The following SLC14A1 variants were observed in gnomAD, a reference collection of about 807,000 sequenced individuals.
SLC14A1 encodes the protein solute carrier family 14 member 1 (Kidd blood group), also known as urea transporter 1.
Under a neutral mutation model 39.6 loss-of-function variants are expected in SLC14A1, and 36 were observed. That is an observed-to-expected ratio of 0.91 (90% CI 0.70 to 1.20). The LOEUF (loss-of-function observed/expected upper bound fraction) is 1.20. Among genes scored for constraint, SLC14A1 ranks in the 50% most tolerant of loss-of-function variants. SLC14A1 has a pLI of 0.00. For missense variants in SLC14A1, 469 were observed against 478.7 expected (o/e 0.98, Z 0.19); for synonymous variants, 164 against 173.6 (o/e 0.94, Z 0.43).
At chr18:45,749,409 G>T (rs2047648003) in intron 9 of SLC14A1, among the ~76,000 whole-genome samples, 1 of 152,124 alleles carries the variant, frequency 6.6e-6, no homozygotes, top group African/African-American at 2.4e-5. Context: ...AGGTCACTGT[G>T]GGCTGGACTA....
Position 45,739,237 on chromosome 18 carries a change from G to A in SLC14A1, c.738G>A (p.Leu246=), listed in dbSNP as rs2047285330. The change falls in exon 7 of 10, where the codon CTG becomes CTA. Residue 246 remains leucine, a synonymous_variant. Coordinates refer to ENST00000321925, the MANE Select transcript of SLC14A1 (RefSeq NM_015865.7). ...CDNPWTGGIF[L]GAILLSSPLM... ...ATCCATGGACAGGGGGCATTTTCCT[G>A]GGAGCCATCCTACTCTCCTCCCCAC... 1.2e-6 allele frequency: 2 copies of A among 1,613,986 alleles called. No homozygotes were observed. The highest frequency in any genetic ancestry group is 1.7e-6 in the Non-Finnish European group (2 of 1,180,024).
At chr18:45,729,782 T>C (rs2046975345) in intron 2 of SLC14A1, 2 of 152,274 alleles carry the variant, frequency 1.3e-5, no homozygotes, top group Admixed American at 1.3e-4. Flanking sequence ...TTTCAATCTT[T>C]TAAAAACAAA....
In SLC14A1 at chr18:45,730,353, C is replaced by T; in HGVS notation, c.33C>T (p.Asp11=). Residue 11 remains aspartate, a synonymous_variant, in exon 3 of 10, where the codon GAC becomes GAT. Coordinates refer to ENST00000321925, the MANE Select transcript of SLC14A1 (RefSeq NM_015865.7). ...ACAGCCCCACTATGGTTAGAGTGGA[C>T]AGCCCCACTATGGTTAGGGGTGAAA... The part of the protein sequence containing the change: MEDSPTMVRV[D]SPTMVRGENQ... 6.2e-7 allele frequency: 1 copy of T among 1,613,628 alleles called. No individual in the cohort carries two copies. Among genetic ancestry groups the T allele is most frequent in the Non-Finnish European group, 8.5e-7 (1 of 1,179,974 alleles).
chr18:45,727,462 C>CCTG lies in SLC14A1; in HGVS notation c.-22+2452_-22+2454dup, dbSNP rs777106701. 2.0e-6 allele frequency: 3 copies of CCTG among 1,516,386 alleles called. No individual in the cohort carries two copies. In the African/African-American group the frequency reaches 4.1e-5, roughly 21 times the overall value. The allele number at this position is 1,516,386 out of a possible 1,614,324, so 93.9% of individuals were successfully genotyped here. Reference sequence around the variant, plus strand: ...GCCTCTGGCTCGGGGAACCTGGGAGCCTGCTCCAAACTCTGGTGTATCTTT... The same window carrying CCTG: ...GCCTCTGGCTCGGGGAACCTGGGAGCCTGCTGCTCCAAACTCTGGTGTATCTTT... On this transcript the variant is annotated intron_variant, in intron 2 of 9. Transcript: ENST00000321925.
rs964632688 is a variant in SLC14A1, at chr18:45,750,093, T to G, written c.*142T>G. The G allele has an allele frequency of 6.4e-6, 10 of 1,562,776 alleles. No individual in the cohort carries two copies. Among genetic ancestry groups the G allele is most frequent in the Admixed American group, 1.9e-5 (1 of 53,718 alleles). On this transcript the variant is annotated 3_prime_UTR_variant, in exon 10 of 10. Coordinates refer to ENST00000321925, the MANE Select transcript of SLC14A1 (RefSeq NM_015865.7). ...GTCTGTAATCTGTTCTTATGCTCATTTTGTATTTTCCTTTCAACTCCAGGA... is the reference window on the plus strand; with the variant it reads ...GTCTGTAATCTGTTCTTATGCTCATGTTGTATTTTCCTTTCAACTCCAGGA...
At chr18:45,739,826 G>A (rs768511488) in intron 8 of SLC14A1, 164 bp downstream of exon 8, 2 of 820,262 alleles carry the variant, frequency 2.4e-6, no homozygotes, top group Non-Finnish European at 4.0e-6. Flanking sequence ...CCCTCTCTGA[G>A]AGCATTAAAA....
At chr18:45,727,006 A>T (rs1001699956) in intron 2 of SLC14A1, 26 of 366,160 alleles carry the variant, frequency 7.1e-5, no homozygotes, top group South Asian at 6.3e-4. Flanking sequence ...GCTTCCCGTT[A>T]TTTTTTTTTT....
Position 45,748,402 on chromosome 18 carries a change from G to T in SLC14A1, c.973G>T (p.Gly325Cys). The T allele has an allele frequency of 6.2e-7, 1 of 1,613,842 alleles. No homozygotes were observed. ...CCTGTTCACGGCCTATCTTGGAGTCGGCATGGCAAACTTTATGGCTGAGGT... is the reference window on the plus strand; with the variant it reads ...CCTGTTCACGGCCTATCTTGGAGTCTGCATGGCAAACTTTATGGCTGAGGT... ...CALFTAYLGV[G>C]MANFMAEVGL... The change falls in exon 9 of 10, where the codon GGC (glycine) becomes TGC (cysteine). Residue 325 changes from glycine to cysteine, a missense_variant. Physicochemically the swap from Gly to Cys is radical, Grantham distance 159 (BLOSUM62 -3). Transcript: ENST00000321925.
intron 8 of SLC14A1, among the ~76,000 whole-genome samples, chr18:45,742,355 T>TTG (rs1555648957): frequency 6.8e-5 from 9 of 132,796 alleles, no homozygotes; most frequent in African/African-American, 2.6e-4. Flanking sequence ...GTTTTTTGGT[T>TTG]TTTTTTTTTT....
chr18:45,726,333 G>A (rs2046861315), intron 2 of SLC14A1, among the ~76,000 whole-genome samples: 1 of 152,096 alleles, frequency 6.6e-6, no homozygotes, highest in Non-Finnish European at 1.5e-5. Flanking sequence ...AAACAACAGG[G>A]GGAGAAAAAG....
rs1599294641 is a variant in SLC14A1 at position 45,739,575 on chromosome 18, G to A, written c.859G>A (p.Gly287Ser). The A allele has an allele frequency of 1.9e-6, 3 of 1,614,172 alleles. No individual in the cohort carries two copies. Among genetic ancestry groups the A allele is most frequent in the African/African-American group, 1.3e-5 (1 of 75,046 alleles). ...TGAGGACATCTACTTTGGACTCTGG[G>A]GTTTCAACAGCTCTCTGGCCTGCAT... Reference protein sequence around the residue: ...PFEDIYFGLWGFNSSLACIAM... With the variant: ...PFEDIYFGLWSFNSSLACIAM... Residue 287 changes from glycine (G) to serine (S), a missense_variant, in exon 8 of 10, where the codon GGT becomes AGT. Physicochemically the swap from Gly to Ser is moderately conservative, Grantham distance 56. Coordinates refer to ENST00000321925, the MANE Select transcript of SLC14A1 (RefSeq NM_015865.7).
At position 45,739,508 on chromosome 18, in the gene SLC14A1, G is replaced by C; in HGVS notation, c.812-20G>C. 1.2e-6 allele frequency: 2 copies of C among 1,613,992 alleles called. No homozygotes were observed. Among genetic ancestry groups the C allele is most frequent in the Non-Finnish European group, 1.7e-6 (2 of 1,179,962 alleles). On this transcript the variant is annotated intron_variant, in intron 7 of 9. Transcript: ENST00000321925. ...CATCCTGCCTTTAGTCCTGAGTTCTGACCCCTCCTGTCTTAACAGGACTCA... is the reference window on the plus strand; with the variant it reads ...CATCCTGCCTTTAGTCCTGAGTTCTCACCCCTCCTGTCTTAACAGGACTCA...
intron 6 of SLC14A1, among the ~76,000 whole-genome samples, chr18:45,738,785 TG>T (rs1433624585): frequency 6.6e-6 from 1 of 152,064 alleles, no homozygotes; most frequent in Non-Finnish European, 1.5e-5. Flanking sequence ...GCAAAAGAAG[TG>T]TCAGCTGTGG....
chr18:45,735,853 C>T (rs1487734491), intron 5 of SLC14A1, among the ~76,000 whole-genome samples: 2 of 152,186 alleles, frequency 1.3e-5, no homozygotes, highest in Admixed American at 6.5e-5. Context: ...TGAGGGACCT[C>T]GGGACCATGC....
At chr18:45,744,342 A>G (rs1000616971) in intron 8 of SLC14A1, among the ~76,000 whole-genome samples, 4 of 152,166 alleles carry the variant, frequency 2.6e-5, no homozygotes, top group African/African-American at 9.7e-5. Context: ...GTTTTCTTCA[A>G]AGAGGGTTTG....
At chr18:45,727,124 T>A in intron 2 of SLC14A1, 4 of 760,830 alleles carry the variant, frequency 5.3e-6, no homozygotes, top group Non-Finnish European at 8.8e-6. Flanking sequence ...CGGTCTCCCA[T>A]GTGGGGCCAC....
chr18:45,751,363 AAAAACAAAAAC>A lies in SLC14A1; in HGVS notation c.*1422_*1432del. 1 of 955,756 alleles carries A rather than the reference AAAAACAAAAAC, an allele frequency of 1.0e-6. No individual in the cohort carries two copies. Among genetic ancestry groups the A allele is most frequent in the East Asian group, 1.3e-4 (1 of 7,844 alleles). 59.2% of individuals were successfully genotyped at this position (955,756 alleles called of 1,614,324 possible). On this transcript the variant is annotated 3_prime_UTR_variant, in exon 10 of 10. Transcript: ENST00000321925. The stretch of plus-strand genomic sequence containing the variant: ...CTCTCAAAAAAAAAAAAAAACAAAC[AAAAACAAAAAC>A]AAAACAAAACAAAACAAAACAAAAC...
rs1425467812 is a variant in SLC14A1, at chr18:45,750,259, A to G, written c.*308A>G. 1 of 1,284,342 alleles carries G rather than the reference A, an allele frequency of 7.8e-7. No individual in the cohort carries two copies. The highest frequency in any genetic ancestry group is 1.7e-5 in the South Asian group (1 of 60,216). The allele number at this position is 1,284,342 out of a possible 1,614,324, so 79.6% of individuals were successfully genotyped here. A position where few individuals can be genotyped will look rare whatever the true frequency, so the allele number is the denominator to read the frequency against. ...CAGAAGGAGGAAGTGAAAACAAACT[A>G]TTAGTATTTATTGATATTCTTGGTG... On this transcript the variant is annotated 3_prime_UTR_variant, in exon 10 of 10. Coordinates refer to ENST00000321925, the MANE Select transcript of SLC14A1 (RefSeq NM_015865.7).
In SLC14A1 at chr18:45,731,011, CCAGA is replaced by C. The variant is rs1568032188; in HGVS notation, c.152-1_154del. ...TTAGCTCTGCTTTACCTCATCCCTT[CCAGA>C]CAAACCCGTGGTGCTCCAGTTCATT... is the stretch of plus-strand genomic sequence containing the variant. On this transcript the variant is annotated splice_acceptor_variant and splice_polypyrimidine_tract_variant and coding_sequence_variant and intron_variant, in exon 4 of 10. Coordinates refer to ENST00000321925, the MANE Select transcript of SLC14A1 (RefSeq NM_015865.7). LOFTEE classifies it high-confidence loss of function. The C allele has an allele frequency of 6.2e-7, 1 of 1,614,128 alleles. No homozygotes were observed. The highest frequency in any genetic ancestry group is 8.5e-7 in the Non-Finnish European group (1 of 1,179,972).
Sources: gnomAD v4.1 joint callset for allele counts (sites outside exome capture counted in the v4.1 genomes callset) on GRCh38, gnomAD v4.1.1 for gene constraint, MANE v1.5 for transcripts, NCBI Gene and HGNC (gene_info 2026-07-23, HGNC 2026-07-21) for gene names.